Variants in PRR5 observed in about 807,000 individuals in gnomAD.
PRR5 encodes proline-rich protein 5.
Under a neutral mutation model 30.6 loss-of-function variants are expected in PRR5, and 25 were observed. That is an observed-to-expected ratio of 0.82 (90% CI 0.60 to 1.14). The LOEUF (loss-of-function observed/expected upper bound fraction) is 1.14. Ranked by LOEUF, PRR5 falls within the 50% of genes most tolerant of loss-of-function variation. The pLI, the probability that PRR5 is intolerant of heterozygous loss-of-function variation, is 0.00. For synonymous variants in PRR5, 286 were observed against 247.1 expected (o/e 1.16, Z -1.48); for missense variants, 600 against 547.1 (o/e 1.10, Z -0.96).
intron 1 of PRR5, among the ~76,000 whole-genome samples, chr22:44,712,769 A>G (rs1426146934): frequency 2.0e-5 from 3 of 152,090 alleles, no homozygotes; most frequent in Non-Finnish European, 2.9e-5. Context: ...TGCCATAGGA[A>G]CCTTGGAGCT....
chr22:44,712,544 G>A (rs1022213141), intron 1 of PRR5, among the ~76,000 whole-genome samples: 20 of 152,346 alleles, frequency 1.3e-4, no homozygotes, highest in African/African-American at 3.6e-4. Flanking sequence ...GTGCACAGGG[G>A]CCCAAGATGC....
At chr22:44,668,977 G>T (rs1365588908) in intron 1 of PRR5, among the ~76,000 whole-genome samples, 2 of 151,302 alleles carry the variant, frequency 1.3e-5, no homozygotes, top group African/African-American at 4.8e-5. Context: ...GCCGACTGCG[G>T]GGCCCTAGGG....
chr22:44,674,945 CAA>C (rs136918), upstream of PRR5, among the ~76,000 whole-genome samples: 72 of 140,132 alleles, frequency 5.1e-4, no homozygotes, highest in African/African-American at 9.0e-4. Context: ...GACGCTGTCT[CAA>C]AAAAAAAAAG....
chr22:44,732,818 CGT>C (rs1368298230), intron 6 of PRR5, among the ~76,000 whole-genome samples: 36 of 94,278 alleles, frequency 3.8e-4, no homozygotes, highest in African/African-American at 6.1e-4. Flanking sequence ...ACACACTACA[CGT>C]GTGCACGCAC....
chr22:44,680,503 G>T (rs949367628), intron 1 of PRR5, among the ~76,000 whole-genome samples: 1 of 152,198 alleles, frequency 6.6e-6, no homozygotes, highest in South Asian at 2.1e-4. Flanking sequence ...ACAGCCCAGC[G>T]AGGAGGTGGG....
intron 6 of PRR5, among the ~76,000 whole-genome samples, chr22:44,732,990 G>T (rs569272789): frequency 0.048 from 7,124 of 146,956 alleles, 246 homozygotes; most frequent in Admixed American, 0.087. Context: ...ACACATACAT[G>T]TGCGCGCACA....
At position 44,735,121 on chromosome 22, in the gene PRR5, T is replaced by A; in HGVS notation, c.650T>A (p.Leu217His). 1 of 1,613,122 alleles carries A rather than the reference T, an allele frequency of 6.2e-7. No individual in the cohort carries two copies. Among genetic ancestry groups the A allele is most frequent in the Non-Finnish European group, 8.5e-7 (1 of 1,179,840 alleles). ...VVSPYLGTYG[L>H]HSSEGPFTHS... ...TCGCCATACCTGGGCACCTACGGCC[T>A]CCACTCCAGCGAGGGGCCCTTCACC... The change falls in exon 7 of 8, where the codon CTC becomes CAC. Residue 217 changes from leucine to histidine, a missense_variant. Transcript: ENST00000336985.
chr22:44,732,839 C>G (rs1922354838), intron 6 of PRR5, among the ~76,000 whole-genome samples: 1 of 45,922 alleles, frequency 2.2e-5, no homozygotes, highest in Non-Finnish European at 5.3e-5. Flanking sequence ...ACATACTACA[C>G]ACGTGCACAC....
chr22:44,697,719 C>G (rs1185907403), upstream of PRR5, among the ~76,000 whole-genome samples: 2 of 152,226 alleles, frequency 1.3e-5, no homozygotes, highest in East Asian at 1.9e-4. Context: ...CTCTCTCCCG[C>G]CCAGCCCGCA....
chr22:44,718,605 C>T (rs1050232998), intron 2 of PRR5, among the ~76,000 whole-genome samples: 2 of 150,962 alleles, frequency 1.3e-5, no homozygotes, highest in African/African-American at 4.9e-5. Context: ...TGTACCATTT[C>T]ACTGTCCCAC....
chr22:44,729,607 A>G, intron 4 of PRR5: 1 of 985,420 alleles, frequency 1.0e-6, no homozygotes, highest in Non-Finnish European at 1.2e-6. Flanking sequence ...GTCCGCCTGG[A>G]GGAACTTCCT....
intron 2 of PRR5, among the ~76,000 whole-genome samples, chr22:44,721,714 T>A (rs763217): frequency 6.6e-6 from 1 of 152,020 alleles, no homozygotes; most frequent in Non-Finnish European, 1.5e-5. Context: ...TCCTGCTGTA[T>A]GTTCACATGG....
At chr22:44,670,800 C>T (rs1032455816) in intron 1 of PRR5, among the ~76,000 whole-genome samples, 5 of 152,226 alleles carry the variant, frequency 3.3e-5, no homozygotes, top group South Asian at 2.1e-4. Flanking sequence ...CCTGCTCACG[C>T]CCAGTAAGTC....
intron 1 of PRR5, among the ~76,000 whole-genome samples, chr22:44,671,833 G>A (rs533927992): frequency 3.9e-5 from 6 of 152,304 alleles, no homozygotes; most frequent in African/African-American, 4.8e-5. Flanking sequence ...GATTCCTGCC[G>A]CACTCTAGGC....
At chr22:44,671,719 T>C (rs1923438211) in intron 1 of PRR5, among the ~76,000 whole-genome samples, 1 of 152,118 alleles carries the variant, frequency 6.6e-6, no homozygotes, top group South Asian at 2.1e-4. Context: ...AGGGGGTGGG[T>C]TCTGGAGCCA....
chr22:44,714,623 G>A lies in PRR5; in HGVS notation c.167G>A (p.Arg56His), dbSNP rs773110469. 83 of 1,613,484 alleles carry A rather than the reference G, an allele frequency of 5.1e-5. No individual in the cohort carries two copies. Among genetic ancestry groups the A allele is most frequent in the South Asian group, 1.2e-4 (11 of 91,090 alleles). The change falls in exon 2 of 8, where the codon CGC becomes CAC. Residue 56 changes from arginine (R) to histidine (H), a missense_variant. Transcript: ENST00000336985. ...IHNGVIAVFQ[R>H]KGLPDQELFS... is the part of the protein sequence containing the mutation. ...AACGGGGTGATCGCCGTCTTCCAGC[G>A]CAAGGGGCTGCCCGACCAGGAGCTC...
intron 2 of PRR5, among the ~76,000 whole-genome samples, 164 bp from the exon 3 acceptor site, chr22:44,725,080 C>G (rs1437918902): frequency 6.6e-6 from 1 of 152,192 alleles, no homozygotes; most frequent in Non-Finnish European, 1.5e-5. Context: ...GCCGACCCAG[C>G]CCCTGCAGGT....
upstream of PRR5, among the ~76,000 whole-genome samples, chr22:44,674,901 T>C (rs138515316): frequency 0.017 from 2,455 of 148,534 alleles, 32 homozygotes; most frequent in South Asian, 0.066. Context: ...AGCCGAGATC[T>C]CGCCACTGCA....
intron 1 of PRR5, among the ~76,000 whole-genome samples, chr22:44,706,877 G>A (rs6007253): frequency 0.21 from 31,707 of 152,030 alleles, 4,210 homozygotes; most frequent in East Asian, 0.48. Flanking sequence ...CCTGCCGGCC[G>A]GGCCCCCCTT....
Sources: allele counts gnomAD v4.1 joint callset (sites outside exome capture counted in the v4.1 genomes callset), GRCh38; gene constraint gnomAD v4.1.1; transcripts MANE v1.5; gene names NCBI Gene and HGNC (gene_info 2026-07-23, HGNC 2026-07-21).